CPXM2: variants seen among roughly 807,000 people sequenced by gnomAD.
The protein encoded by CPXM2 is carboxypeptidase X, M14 family member 2.
Under a neutral mutation model 86.1 loss-of-function variants are expected in CPXM2, and 66 were observed. The observed-to-expected ratio is 0.77, with a 90% CI of 0.63 to 0.94. The LOEUF (loss-of-function observed/expected upper bound fraction) is 0.94, where lower values mean the gene tolerates loss of function less well. Among genes scored for constraint, CPXM2 ranks in the 40% least tolerant of loss-of-function variants. The pLI is 0.00. For synonymous variants in CPXM2, 388 were observed against 400.2 expected (o/e 0.97, Z 0.36); for missense variants, 948 against 1,026.3 (o/e 0.92, Z 1.04).
At position 123,939,684 on chromosome 10, in the gene CPXM2, G is replaced by A. The variant is rs80307370; in HGVS notation, n.120-153C>T. On this transcript the variant is annotated intron_variant and non_coding_transcript_variant, in intron 1 of 19. Coordinates refer to the CPXM2 transcript ENST00000368854. ...GCCCTGGGGATGGCATGGGGAGGCC[G>A]GGCCTAAGGAGAGGCTGTCTGGATG... Among the ~76,000 whole-genome samples the A allele has an allele frequency of 9.7e-3, 1,475 of 152,284 alleles. 27 individuals carry two copies. The highest frequency in any genetic ancestry group is 0.034 in the African/African-American group (1,403 of 41,552).
intron 2 of CPXM2, among the ~76,000 whole-genome samples, chr10:123,876,140 C>G (rs1327739430): frequency 2.0e-5 from 3 of 152,088 alleles, no homozygotes; most frequent in Non-Finnish European, 4.4e-5. Flanking sequence ...TCCTACAGAT[C>G]TTGCTCTAAG....
intron 7 of CPXM2, among the ~76,000 whole-genome samples, chr10:123,778,175 A>C (rs1244968261): frequency 6.6e-6 from 1 of 151,920 alleles, no homozygotes; most frequent in Non-Finnish European, 1.5e-5. Context: ...TTCTATTTTC[A>C]CTTCTTGCTT....
chr10:123,879,819 C>A (rs1315176736), intron 2 of CPXM2, among the ~76,000 whole-genome samples: 1 of 152,080 alleles, frequency 6.6e-6, no homozygotes, highest in Non-Finnish European at 1.5e-5. Flanking sequence ...TGATCTCTGA[C>A]CCCAGAGGCT....
intron 2 of CPXM2, among the ~76,000 whole-genome samples, chr10:123,933,170 C>T (rs547872822): frequency 1.1e-4 from 16 of 152,192 alleles, no homozygotes; most frequent in South Asian, 2.1e-4. Context: ...GTGAGGCCAT[C>T]GCAAGGAAGG....
chr10:123,838,271 G>A (rs900233413), intron 4 of CPXM2, among the ~76,000 whole-genome samples: 1 of 152,078 alleles, frequency 6.6e-6, no homozygotes, highest in African/African-American at 2.4e-5. Context: ...AGACCACCTG[G>A]CCAACATGGT....
At chr10:123,870,409 C>T (rs28379723) in intron 2 of CPXM2, among the ~76,000 whole-genome samples, 18,700 of 152,148 alleles carry the variant, frequency 0.12, 1,353 homozygotes, top group Non-Finnish European at 0.13. Flanking sequence ...ACGTGGTGGG[C>T]GCTGCCAAGA....
intron 2 of CPXM2, among the ~76,000 whole-genome samples, chr10:123,866,562 CT>C (rs1197100067): frequency 1.3e-5 from 1 of 77,438 alleles, no homozygotes; most frequent in Non-Finnish European, 2.5e-5. Flanking sequence ...GAGACACTGT[CT>C]CAAAAAAAAA....
chr10:123,760,617 A>T (rs562770062), intron 11 of CPXM2, among the ~76,000 whole-genome samples: 1 of 152,342 alleles, frequency 6.6e-6, no homozygotes, highest in East Asian at 1.9e-4. Flanking sequence ...ACCGACAATA[A>T]GGATGTGCTC....
chr10:123,865,851 C>T lies in CPXM2; in HGVS notation c.404-3128G>A, dbSNP rs1315580418. The stretch of plus-strand genomic sequence containing the variant: ...CAACACCTCCATCTCTGCTTCTTCT[C>T]TCCCTTCCTTTCCTGGGATTTTTGC... On this transcript the variant is annotated intron_variant, in intron 2 of 13. Transcript: ENST00000241305. This position sits in a 1 kb window ranked among gnomAD's most constrained non-coding sequence, Gnocchi z 4.7. Among the ~76,000 whole-genome samples, 1 of 152,150 alleles carries T rather than the reference C, an allele frequency of 6.6e-6. No homozygotes were observed. The highest frequency in any genetic ancestry group is 1.5e-5 in the Non-Finnish European group (1 of 68,036).
At chr10:123,892,391 G>A (rs899584862), upstream of CPXM2, among the ~76,000 whole-genome samples, 3 of 152,148 alleles carry the variant, frequency 2.0e-5, no homozygotes, top group African/African-American at 7.2e-5. Context: ...GTTACCCCAA[G>A]GTGGCCATCC....
intron 2 of CPXM2, among the ~76,000 whole-genome samples, chr10:123,897,885 A>G (rs2134258104): frequency 6.6e-6 from 1 of 152,346 alleles, no homozygotes; most frequent in East Asian, 1.9e-4. Context: ...ATCAGAAGCA[A>G]GGGTTTGGAA....
upstream of CPXM2, among the ~76,000 whole-genome samples, chr10:123,895,121 C>CTTTTTTTTTTTTTTTTTTTTTTT (rs869104432): frequency 1.3e-4 from 11 of 85,876 alleles, no homozygotes; most frequent in Non-Finnish European, 2.0e-4. Flanking sequence ...TCTTTTTTTT[C>CTTTTTTTTTTTTTTTTTTTTTTT]TTTTTTTTTT....
chr10:123,845,355 G>GA (rs1208912343), intron 3 of CPXM2, among the ~76,000 whole-genome samples: 3 of 151,090 alleles, frequency 2.0e-5, no homozygotes, highest in Admixed American at 6.6e-5. Context: ...ATAGAGAACA[G>GA]AAAAAAGGCT....
intron 2 of CPXM2, among the ~76,000 whole-genome samples, chr10:123,925,461 C>T (rs1055843628): frequency 5.9e-5 from 9 of 152,126 alleles, no homozygotes; most frequent in South Asian, 2.1e-4. Flanking sequence ...ATTAGTGTAC[C>T]GGGAGAGATA....
chr10:123,852,221 G>T (rs906211933), intron 3 of CPXM2, among the ~76,000 whole-genome samples: 7 of 152,150 alleles, frequency 4.6e-5, no homozygotes, highest in Non-Finnish European at 1.0e-4. Context: ...AGGACTCATT[G>T]TAATTATGCA....
At chr10:123,749,287 G>C (rs775650222) in intron 13 of CPXM2, among the ~76,000 whole-genome samples, 1 of 152,106 alleles carries the variant, frequency 6.6e-6, no homozygotes, top group Non-Finnish European at 1.5e-5. Context: ...CCTCAGGGAG[G>C]GGGCAGCCCA....
chr10:123,888,545 G>A (rs1024192480), intron 1 of CPXM2, among the ~76,000 whole-genome samples: 2 of 152,012 alleles, frequency 1.3e-5, no homozygotes, highest in Admixed American at 1.3e-4. Context: ...ATTACACCAC[G>A]AGCAGCATAT....
At chr10:123,759,457 G>A (rs747372848) in intron 11 of CPXM2, among the ~76,000 whole-genome samples, 15 of 152,244 alleles carry the variant, frequency 9.9e-5, no homozygotes, top group Non-Finnish European at 1.6e-4. Flanking sequence ...GAAACCAGAG[G>A]GAGGTGGAGA....
chr10:123,922,932 A>G (rs1256162422), intron 2 of CPXM2, among the ~76,000 whole-genome samples: 1 of 152,250 alleles, frequency 6.6e-6, no homozygotes, highest in Non-Finnish European at 1.5e-5. Flanking sequence ...AGTCGCTGTC[A>G]ACACCTTAAA....
Sources: gnomAD v4.1 joint callset for allele counts (sites outside exome capture counted in the v4.1 genomes callset) on GRCh38, gnomAD v4.1.1 for gene constraint, Gnocchi (gnomAD v3.1) non-coding constraint, MANE v1.5 for transcripts, NCBI Gene and HGNC (gene_info 2026-07-23, HGNC 2026-07-21) for gene names.